The following CDK8 variants were observed in gnomAD, a reference collection of about 807,000 sequenced individuals.
The protein encoded by CDK8 is cyclin-dependent kinase 8.
Under a neutral mutation model 71.5 loss-of-function variants are expected in CDK8, and 29 were observed. The ratio of observed to expected loss-of-function variants is 0.41; its 90% confidence interval spans 0.30 to 0.55. The LOEUF is 0.55. CDK8 is among the 20% of genes least tolerant of loss of function. The pLI, the probability that CDK8 is intolerant of heterozygous loss-of-function variation, is 0.37. For synonymous variants in CDK8, 161 were observed against 192.1 expected, an observed-to-expected ratio of 0.84 and a Z score of 1.34; for missense variants, 288 against 572.6, an observed-to-expected ratio of 0.50 and a Z score of 5.07.
chr13:26,324,444 A>C (rs937537785), intron 1 of CDK8, among the ~76,000 whole-genome samples: 7 of 152,204 alleles, frequency 4.6e-5, no homozygotes, highest in Non-Finnish European at 7.4e-5. Context: ...TTATTAGCAC[A>C]TCACTCTTGA....
chr13:26,343,890 T>A (rs1873351071), intron 2 of CDK8, among the ~76,000 whole-genome samples: 1 of 151,770 alleles, frequency 6.6e-6, no homozygotes, highest in Admixed American at 6.6e-5. Context: ...TTTAAAAAAT[T>A]TTTTTTTTAC....
At chr13:26,381,506 GTATTAT>G (rs546026616) in intron 4 of CDK8, among the ~76,000 whole-genome samples, 1 of 151,956 alleles carries the variant, frequency 6.6e-6, no homozygotes, top group Non-Finnish European at 1.5e-5. Flanking sequence ...TAAAACATCA[GTATTAT>G]TATTATTATT....
At chr13:26,294,727 T>A (rs1194100787) in intron 1 of CDK8, among the ~76,000 whole-genome samples, 1 of 152,122 alleles carries the variant, frequency 6.6e-6, no homozygotes, top group Admixed American at 6.6e-5. Context: ...ATATTGAGGT[T>A]CTTTGTTCAT....
At chr13:26,393,638 G>C in intron 7 of CDK8, 128 bp downstream of exon 7, 1 of 914,034 alleles carries the variant, frequency 1.1e-6, no homozygotes, top group Non-Finnish European at 1.6e-6. Flanking sequence ...TTTTTGACTT[G>C]CATTTATCAA....
At chr13:26,293,091 A>G (rs1423000365) in intron 1 of CDK8, among the ~76,000 whole-genome samples, 1 of 152,120 alleles carries the variant, frequency 6.6e-6, no homozygotes, top group African/African-American at 2.4e-5. Context: ...AATTTTGGGA[A>G]ATGCTATTAT....
chr13:26,358,496 G>A (rs1049116135), intron 4 of CDK8, among the ~76,000 whole-genome samples: 6 of 152,150 alleles, frequency 3.9e-5, no homozygotes, highest in African/African-American at 1.2e-4. Context: ...GGGAAATACT[G>A]TGAAAACAAG....
At chr13:26,379,434 C>A (rs1036459403) in intron 4 of CDK8, among the ~76,000 whole-genome samples, 1 of 152,182 alleles carries the variant, frequency 6.6e-6, no homozygotes, top group Non-Finnish European at 1.5e-5. Flanking sequence ...AGTGGTCAAA[C>A]TTAGATTTAG....
intron 1 of CDK8, among the ~76,000 whole-genome samples, chr13:26,315,560 C>A (rs1202618831): frequency 1.3e-5 from 2 of 152,020 alleles, no homozygotes; most frequent in African/African-American, 4.8e-5. Flanking sequence ...AATGAAGCTA[C>A]CTAAGACAAT....
chr13:26,302,197 T>C (rs1261090340), intron 1 of CDK8, among the ~76,000 whole-genome samples: 2 of 152,226 alleles, frequency 1.3e-5, no homozygotes, highest in Non-Finnish European at 2.9e-5. Flanking sequence ...AATTCTGCAA[T>C]GGATGCCTTC....
chr13:26,354,468 C>G (rs1473025553), intron 4 of CDK8, among the ~76,000 whole-genome samples: 1 of 152,000 alleles, frequency 6.6e-6, no homozygotes, highest in African/African-American at 2.4e-5. Flanking sequence ...CTTTTTTCAC[C>G]CATCTTGCAC....
chr13:26,369,524 C>T (rs1387210395), intron 4 of CDK8, among the ~76,000 whole-genome samples: 11 of 128,938 alleles, frequency 8.5e-5, no homozygotes, highest in African/African-American at 2.4e-4. Context: ...TGAGGTTGGA[C>T]GATTTTTTTT....
chr13:26,281,205 T>TAC (rs755443871), intron 1 of CDK8, among the ~76,000 whole-genome samples: 2 of 152,184 alleles, frequency 1.3e-5, no homozygotes, highest in Non-Finnish European at 2.9e-5. Context: ...TAAACATATC[T>TAC]ACATCCAAGG....
intron 6 of CDK8, among the ~76,000 whole-genome samples, chr13:26,387,128 C>T (rs1039998137): frequency 3.3e-5 from 5 of 152,084 alleles, no homozygotes; most frequent in African/African-American, 1.2e-4. Context: ...TCTTCTTGTT[C>T]TCTGATTACT....
At chr13:26,359,719 CT>C in intron 4 of CDK8, 1 of 434,780 alleles carries the variant, frequency 2.3e-6, no homozygotes, top group South Asian at 1.6e-5. Context: ...TTTTTTTCTT[CT>C]TTTCTTTTTT....
At chr13:26,390,496 A>G (rs1056823605) in intron 6 of CDK8, among the ~76,000 whole-genome samples, 1 of 152,212 alleles carries the variant, frequency 6.6e-6, no homozygotes, top group Admixed American at 6.5e-5. Flanking sequence ...ACTAAGTTTA[A>G]TTCACTTTTG....
chr13:26,328,486 A>G (rs1875129257), intron 1 of CDK8, among the ~76,000 whole-genome samples: 1 of 152,200 alleles, frequency 6.6e-6, no homozygotes, highest in Non-Finnish European at 1.5e-5. Flanking sequence ...TAAACCACAG[A>G]GCTTAAACCC....
At chr13:26,363,609 G>C (rs1302414423) in intron 4 of CDK8, among the ~76,000 whole-genome samples, 5 of 152,040 alleles carry the variant, frequency 3.3e-5, no homozygotes, top group African/African-American at 1.2e-4. Flanking sequence ...GGCTCAAGCA[G>C]TTCTTCTGCC....
At chr13:26,388,632 G>C (rs2138055697) in intron 6 of CDK8, among the ~76,000 whole-genome samples, 1 of 152,162 alleles carries the variant, frequency 6.6e-6, no homozygotes, top group East Asian at 1.9e-4. Flanking sequence ...TGTGACTCTG[G>C]CTCACTGTTT....
intron 1 of CDK8, among the ~76,000 whole-genome samples, chr13:26,303,333 C>G (rs961638803): frequency 2.0e-5 from 3 of 151,390 alleles, no homozygotes; most frequent in African/African-American, 7.3e-5. Flanking sequence ...ACAGGTCTTG[C>G]TCTGTCACCC....
Sources: gnomAD v4.1 joint callset for allele counts (sites outside exome capture counted in the v4.1 genomes callset) on GRCh38, gnomAD v4.1.1 for gene constraint, MANE v1.5 for transcripts, NCBI Gene and HGNC (gene_info 2026-07-23, HGNC 2026-07-21) for gene names.